The following ZNF536 variants were observed in gnomAD, a reference collection of about 807,000 sequenced individuals.
ZNF536 encodes the protein zinc finger protein 536.
In ZNF536, 13 loss-of-function variants were observed where a neutral mutation model predicts 84.5. The ratio of observed to expected loss-of-function variants is 0.15; its 90% CI spans 0.10 to 0.24. ZNF536 has a LOEUF of 0.24. Among genes scored for constraint, ZNF536 ranks in the 10% least tolerant of loss-of-function variants. The probability of loss-of-function intolerance (pLI) is 1.00; values close to 1 mark genes in which losing one functional copy is unlikely to be tolerated. For synonymous variants in ZNF536, 811 were observed against 742.5 expected, an observed-to-expected ratio of 1.09 and a Z score of -1.50; for missense variants, 1,536 against 1,747.5, an observed-to-expected ratio of 0.88 and a Z score of 2.16.
At chr19:30,521,169 G>A (rs542256345) in intron 2 of ZNF536, among the ~76,000 whole-genome samples, 5 of 152,208 alleles carry the variant, frequency 3.3e-5, no homozygotes, top group South Asian at 2.1e-4. Flanking sequence ...CTTGGCTCCC[G>A]GAGTCCCTTG....
intron 1 of ZNF536, among the ~76,000 whole-genome samples, chr19:30,609,228 G>A (rs2048004482): frequency 1.3e-5 from 2 of 152,208 alleles, no homozygotes. Flanking sequence ...CCAGGAGGAA[G>A]ATTACATTTT....
intron 1 of ZNF536, among the ~76,000 whole-genome samples, chr19:30,568,808 T>C (rs988227417): frequency 6.6e-6 from 1 of 152,152 alleles, no homozygotes. Flanking sequence ...TGTCAGTGCA[T>C]GTCTGGTGCA....
chr19:30,547,846 C>A (rs953605783), intron 3 of ZNF536, 97 bp from the exon 4 acceptor site: 12 of 1,385,082 alleles, frequency 8.7e-6, no homozygotes, highest in Non-Finnish European at 1.1e-5. Flanking sequence ...GTTTGAGCTG[C>A]TTTGTTTCAA....
chr19:30,608,093 T>C (rs765560735), intron 1 of ZNF536, among the ~76,000 whole-genome samples: 1 of 152,270 alleles, frequency 6.6e-6, no homozygotes, highest in Non-Finnish European at 1.5e-5. Context: ...CAATTGTATT[T>C]ATACAATAAA....
chr19:30,579,384 CT>C (rs2046844551), intron 1 of ZNF536, among the ~76,000 whole-genome samples: 2 of 152,174 alleles, frequency 1.3e-5, no homozygotes, highest in South Asian at 4.1e-4. Context: ...ACTGGACTTC[CT>C]CATGATTCAG....
chr19:30,594,924 A>T (rs78343423), intron 1 of ZNF536, among the ~76,000 whole-genome samples: 6,228 of 152,166 alleles, frequency 0.041, 163 homozygotes, highest in South Asian at 0.07. Flanking sequence ...CCCGAAGGCC[A>T]ACCCAGGGGA....
At chr19:30,682,644 T>C (rs1380369908) in intron 1 of ZNF536, among the ~76,000 whole-genome samples, 1 of 152,260 alleles carries the variant, frequency 6.6e-6, no homozygotes, top group East Asian at 1.9e-4. Context: ...CGCTGCTTCC[T>C]GGATCTGCAG....
intron 1 of ZNF536, among the ~76,000 whole-genome samples, chr19:30,411,728 G>C (rs535243800): frequency 6.6e-6 from 1 of 152,138 alleles, no homozygotes; most frequent in South Asian, 2.1e-4. Flanking sequence ...TGATTTGATA[G>C]TACACATGCT....
At chr19:30,237,775 C>CT (rs36015370) in intron 1 of ZNF536, among the ~76,000 whole-genome samples, 53,506 of 147,520 alleles carry the variant, frequency 0.36, 11,545 homozygotes, top group Non-Finnish European at 0.51. Flanking sequence ...TCTATAAGTT[C>CT]TTTTTTTTTT....
intron 1 of ZNF536, among the ~76,000 whole-genome samples, chr19:30,706,083 G>A (rs1257900960): frequency 1.3e-5 from 2 of 152,188 alleles, no homozygotes; most frequent in African/African-American, 4.8e-5. Flanking sequence ...TTGCCAAGAG[G>A]CACGTTGCAT....
chr19:30,375,292 G>T (rs1336653088), intron 1 of ZNF536, among the ~76,000 whole-genome samples: 1 of 150,830 alleles, frequency 6.6e-6, no homozygotes. Context: ...CCCCGCGAGC[G>T]GCCGCACTTC....
chr19:30,628,692 A>T (rs2048779779), intron 1 of ZNF536, among the ~76,000 whole-genome samples: 1 of 148,638 alleles, frequency 6.7e-6, no homozygotes, highest in South Asian at 2.1e-4. Flanking sequence ...GCCTCCCTTT[A>T]TTTTTTATTT....
chr19:30,616,296 T>C (rs1172339944), intron 1 of ZNF536, among the ~76,000 whole-genome samples: 1 of 152,244 alleles, frequency 6.6e-6, no homozygotes, highest in South Asian at 2.1e-4. Context: ...ATCGAGCATC[T>C]GGTTGTATGC....
intron 1 of ZNF536, among the ~76,000 whole-genome samples, chr19:30,598,498 C>T (rs541712878): frequency 6.6e-5 from 10 of 152,256 alleles, no homozygotes; most frequent in Non-Finnish European, 7.4e-5. Flanking sequence ...TATTCAAAAA[C>T]CTAGGGACTC....
At chr19:30,566,877 C>T (rs565018430) in intron 1 of ZNF536, among the ~76,000 whole-genome samples, 10 of 145,426 alleles carry the variant, frequency 6.9e-5, no homozygotes, top group East Asian at 6.3e-4. Context: ...TGGAAGTCCC[C>T]GGGAGTGGCT....
At position 30,335,094 on chromosome 19, in the gene ZNF536, G is replaced by A. The variant is rs78080492; in HGVS notation, c.-119-17274G>A. ...TCTCCGTACAGCATCTGGGGCTGGCGGAACAGGGATGGGGACACAGAGGAG... is the reference window on the plus strand; with the variant it reads ...TCTCCGTACAGCATCTGGGGCTGGCAGAACAGGGATGGGGACACAGAGGAG... On this transcript the variant is annotated intron_variant, in intron 2 of 5. Transcript: ENST00000585628. Among the ~76,000 whole-genome samples, 895 of 152,280 alleles carry A rather than the reference G, an allele frequency of 5.9e-3. 23 individuals carry two copies. The highest frequency in any genetic ancestry group is 0.05 in the East Asian group (258 of 5,172).
At chr19:30,641,392 G>A (rs530432343) in intron 1 of ZNF536, among the ~76,000 whole-genome samples, 19 of 152,140 alleles carry the variant, frequency 1.2e-4, no homozygotes, top group Non-Finnish European at 2.6e-4. Context: ...TTATGGAATT[G>A]TAATCTTGCT....
At chr19:30,518,487 C>G (rs1018639392) in intron 2 of ZNF536, among the ~76,000 whole-genome samples, 5 of 152,132 alleles carry the variant, frequency 3.3e-5, no homozygotes, top group African/African-American at 1.2e-4. Flanking sequence ...CAATTTTCCC[C>G]GAAGGAGAAG....
At position 30,345,718 on chromosome 19, in the gene ZNF536, T is replaced by C. The variant is rs376511518; in HGVS notation, c.-119-6650T>C. 1.3e-5 allele frequency among the ~76,000 whole-genome samples: 2 copies of C among 152,200 alleles called. 1 individual carries two copies. The highest frequency in any genetic ancestry group is 4.8e-5 in the African/African-American group (2 of 41,458). On this transcript the variant is annotated intron_variant, in intron 2 of 5. Coordinates refer to the ZNF536 transcript ENST00000585628. The stretch of plus-strand genomic sequence containing the variant: ...GAGAGTCTCGGATGCTTAGTTTTCC[T>C]ACATGCATCTAAGGGAGCCATGCTC...
Sources: allele counts gnomAD v4.1 joint callset (sites outside exome capture counted in the v4.1 genomes callset), GRCh38; gene constraint gnomAD v4.1.1; transcripts MANE v1.5; gene names NCBI Gene and HGNC (gene_info 2026-07-23, HGNC 2026-07-21).